AFF2: variants seen among roughly 807,000 people sequenced by gnomAD.
The protein encoded by AFF2 is AF4/FMR2 family member 2.
In AFF2, 14 loss-of-function variants were observed where a neutral mutation model predicts 76.9. That is an observed-to-expected ratio of 0.18 (90% CI 0.12 to 0.28). The LOEUF (loss-of-function observed/expected upper bound fraction) is 0.28. Ranked by LOEUF, AFF2 falls within the 10% of genes least tolerant of loss-of-function variation. The probability of loss-of-function intolerance (pLI) is 1.00; values close to 1 mark genes in which losing one functional copy is unlikely to be tolerated. For synonymous variants in AFF2, 398 were observed against 366.7 expected (o/e 1.09, Z -0.98); for missense variants, 868 against 1,001.1 (o/e 0.87, Z 1.79).
intron 1 of AFF2, among the ~76,000 whole-genome samples, chrX:148,622,106 C>T (rs2053874559): frequency 8.9e-6 from 1 of 111,877 alleles, no homozygotes; most frequent in Non-Finnish European, 1.9e-5. Context: ...CATGTGATAC[C>T]TCCTGATGCT....
intron 3 of AFF2, among the ~76,000 whole-genome samples, chrX:148,698,797 G>GTTTTTTTTTTT: frequency 2.8e-5 from 2 of 71,714 alleles, no homozygotes; most frequent in Non-Finnish European, 2.7e-5. Flanking sequence ...GAGTTCTAGT[G>GTTTTTTTTTTT]TTTTTTTTTT....
chrX:148,788,231 A>G (rs1159310017), intron 3 of AFF2, among the ~76,000 whole-genome samples: 3 of 112,057 alleles, frequency 2.7e-5, no homozygotes, highest in African/African-American at 9.7e-5. Flanking sequence ...TTTCATTCAG[A>G]ATTATCCACT....
intron 4 of AFF2, among the ~76,000 whole-genome samples, chrX:148,831,226 G>A (rs1158508823): frequency 4.5e-5 from 5 of 111,361 alleles, no homozygotes; most frequent in Non-Finnish European, 9.4e-5. Context: ...CTCAGTTAAC[G>A]CAATCATCAC....
intron 3 of AFF2, among the ~76,000 whole-genome samples, chrX:148,687,584 A>C (rs1234802359): frequency 9.0e-6 from 1 of 110,727 alleles, no homozygotes; most frequent in African/African-American, 3.3e-5. Context: ...GTAAGAGCTC[A>C]TTATTTTAAA....
At chrX:148,724,315 G>A (rs953033435) in intron 3 of AFF2, among the ~76,000 whole-genome samples, 22 of 110,775 alleles carry the variant, frequency 2.0e-4, no homozygotes, top group African/African-American at 7.2e-4. Context: ...GTACATGTTT[G>A]GAGTCTAACA....
intron 3 of AFF2, among the ~76,000 whole-genome samples, chrX:148,756,220 C>T (rs1417582304): frequency 8.9e-6 from 1 of 112,509 alleles, no homozygotes; most frequent in Non-Finnish European, 1.9e-5. Flanking sequence ...ATGTGAAGTG[C>T]TTAGCACAAA....
intron 1 of AFF2, among the ~76,000 whole-genome samples, chrX:148,562,490 C>T (rs182425184): frequency 3.6e-5 from 4 of 111,832 alleles, no homozygotes; most frequent in East Asian, 2.8e-4. Flanking sequence ...CTCATAGCTA[C>T]GGGTAACAAG....
chrX:148,725,124 A>G (rs2055140948), intron 3 of AFF2, among the ~76,000 whole-genome samples: 1 of 110,879 alleles, frequency 9.0e-6, no homozygotes, highest in South Asian at 3.8e-4. Context: ...AAAGAAAGCC[A>G]CTCTAGCCAT....
At chrX:148,773,191 A>G (rs782506616) in intron 3 of AFF2, among the ~76,000 whole-genome samples, 1 of 112,319 alleles carries the variant, frequency 8.9e-6, no homozygotes, top group South Asian at 3.7e-4. Context: ...TGTTAAATCT[A>G]GTAATTTCTA....
intron 3 of AFF2, among the ~76,000 whole-genome samples, chrX:148,706,926 G>A (rs1178991912): frequency 8.9e-6 from 1 of 112,204 alleles, no homozygotes; most frequent in Non-Finnish European, 1.9e-5. Flanking sequence ...GCTTCTTTCA[G>A]TAGTCTATCG....
chrX:148,532,139 A>G (rs1179097504), intron 1 of AFF2, among the ~76,000 whole-genome samples: 1 of 111,914 alleles, frequency 8.9e-6, no homozygotes, highest in Non-Finnish European at 1.9e-5. Flanking sequence ...CTCACAAAAC[A>G]TATTGTTTAA....
At chrX:148,844,931 C>A (rs1337785283) in intron 7 of AFF2, among the ~76,000 whole-genome samples, 1 of 111,609 alleles carries the variant, frequency 9.0e-6, no homozygotes, top group Non-Finnish European at 1.9e-5. Flanking sequence ...GATTTAAGGA[C>A]CGAATTATAT....
chrX:148,630,988 G>C (rs1374046254), intron 1 of AFF2, among the ~76,000 whole-genome samples: 1 of 112,297 alleles, frequency 8.9e-6, no homozygotes, highest in Non-Finnish European at 1.9e-5. Context: ...ACCTGTCATA[G>C]TGATTCTCAC....
intron 8 of AFF2, among the ~76,000 whole-genome samples, chrX:148,892,580 T>G (rs1319507340): frequency 6.3e-5 from 7 of 111,258 alleles, no homozygotes; most frequent in African/African-American, 2.3e-4. Context: ...TGGGATGTGT[T>G]CCTGATACCT....
At chrX:148,655,721 C>G (rs1557256987) in intron 2 of AFF2, among the ~76,000 whole-genome samples, 1 of 111,895 alleles carries the variant, frequency 8.9e-6, no homozygotes, top group Admixed American at 9.4e-5. Flanking sequence ...TGGGAGAACA[C>G]TGAGGAGTAA....
chrX:148,843,298 G>A, intron 6 of AFF2, 84 bp from the exon 7 acceptor site: 1 of 839,218 alleles, frequency 1.2e-6, no homozygotes, highest in Non-Finnish European at 1.7e-6. Context: ...TCGGGGGACT[G>A]CATGTTTGGA....
intron 3 of AFF2, among the ~76,000 whole-genome samples, chrX:148,805,052 G>A (rs1204878020): frequency 9.0e-6 from 1 of 111,681 alleles, no homozygotes; most frequent in Non-Finnish European, 1.9e-5. Context: ...AACTCATTTG[G>A]TAGTACAGTA....
At chrX:148,731,611 G>T (rs187450365) in intron 3 of AFF2, among the ~76,000 whole-genome samples, 15 of 110,988 alleles carry the variant, frequency 1.4e-4, no homozygotes, top group Admixed American at 1.2e-3. Flanking sequence ...CACAGCAAAA[G>T]AAACTACCCT....
intron 1 of AFF2, among the ~76,000 whole-genome samples, chrX:148,603,886 CTT>C (rs1477561562): frequency 9.0e-6 from 1 of 110,597 alleles, no homozygotes; most frequent in East Asian, 2.8e-4. Flanking sequence ...TTCAATGTCT[CTT>C]ATTAAATTTC....
Sources: gnomAD v4.1 joint callset for allele counts (sites outside exome capture counted in the v4.1 genomes callset) on GRCh38, gnomAD v4.1.1 for gene constraint, MANE v1.5 for transcripts, NCBI Gene and HGNC (gene_info 2026-07-23, HGNC 2026-07-21) for gene names.